The following HMCN1 variants were observed in gnomAD, a reference collection of about 807,000 sequenced individuals.
HMCN1 encodes hemicentin-1.
In HMCN1, 321 loss-of-function variants were observed where a neutral mutation model predicts 625.9. The ratio of observed to expected loss-of-function variants is 0.51; its 90% confidence interval spans 0.47 to 0.56. HMCN1 has a LOEUF of 0.56. HMCN1 is among the 20% of genes least tolerant of loss of function. HMCN1 has a pLI of 0.00. For synonymous variants in HMCN1, 2,425 were observed against 2,417.6 expected (o/e 1.00, Z -0.09); for missense variants, 6,588 against 6,887.3 (o/e 0.96, Z 1.54).
At chr1:186,034,346 A>G (rs1655678249) in intron 36 of HMCN1, among the ~76,000 whole-genome samples, 1 of 152,166 alleles carries the variant, frequency 6.6e-6, no homozygotes, top group South Asian at 2.1e-4. Flanking sequence ...TGTAAGATAA[A>G]TTTGTATTAT....
intron 1 of HMCN1, among the ~76,000 whole-genome samples, chr1:185,792,465 T>C (rs1658071667): frequency 1.3e-5 from 2 of 152,276 alleles, no homozygotes; most frequent in Non-Finnish European, 2.9e-5. Flanking sequence ...ATTAATCATG[T>C]TTGGTATTTA....
At chr1:185,812,939 T>G (rs906428386) in intron 1 of HMCN1, among the ~76,000 whole-genome samples, 1 of 152,132 alleles carries the variant, frequency 6.6e-6, no homozygotes, top group African/African-American at 2.4e-5. Flanking sequence ...AGATAACTAT[T>G]ATAAGTTTTC....
chr1:186,094,406 C>A, intron 67 of HMCN1, 33 bp downstream of exon 67: 1 of 1,479,404 alleles, frequency 6.8e-7, no homozygotes. Flanking sequence ...TATTACTTTG[C>A]TATGTCAAGT....
rs1212312749 is a variant in HMCN1, at chr1:186,187,979, C to T, written c.16511C>T (p.Pro5504Leu). Reference sequence around the variant, plus strand: ...TACCAGTGCATCGATACACCCTGTCCACCCAACTACCAACGGGATCCTGTT... The same window carrying T: ...TACCAGTGCATCGATACACCCTGTCTACCCAACTACCAACGGGATCCTGTT... ...GSYQCIDTPC[P>L]PNYQRDPVSG... Residue 5504 changes from proline (P) to leucine (L), a missense_variant, in exon 106 of 107, where the codon CCA becomes CTA. Physicochemically the swap from Pro to Leu is moderately conservative, Grantham distance 98. This residue lies in a region of HMCN1 where 1,954 missense variants were observed against 2,013.1 expected (regional missense o/e 0.97). Transcript: ENST00000271588. 6.8e-6 allele frequency: 11 copies of T among 1,613,740 alleles called. No homozygotes were observed. The highest frequency in any genetic ancestry group is 8.5e-6 in the Non-Finnish European group (10 of 1,179,822).
chr1:185,816,514 A>G (rs1480252922), intron 1 of HMCN1, among the ~76,000 whole-genome samples: 1 of 152,208 alleles, frequency 6.6e-6, no homozygotes, highest in Non-Finnish European at 1.5e-5. Context: ...TATATCCACC[A>G]TGCCCATGAC....
At chr1:185,799,995 CA>C (rs1433112397) in intron 1 of HMCN1, among the ~76,000 whole-genome samples, 1 of 152,156 alleles carries the variant, frequency 6.6e-6, no homozygotes, top group Non-Finnish European at 1.5e-5. Flanking sequence ...GTACAAGTAC[CA>C]GCCCTGATGG....
chr1:186,004,947 T>G (rs1653454043), intron 29 of HMCN1, among the ~76,000 whole-genome samples: 1 of 152,072 alleles, frequency 6.6e-6, no homozygotes, highest in Non-Finnish European at 1.5e-5. Context: ...GATCAAGTTA[T>G]GTGTACCAAA....
intron 1 of HMCN1, among the ~76,000 whole-genome samples, chr1:185,818,401 A>T (rs1319699630): frequency 6.6e-6 from 1 of 152,034 alleles, no homozygotes; most frequent in Non-Finnish European, 1.5e-5. Context: ...GGAGATTATT[A>T]GCTTCTTATC....
chr1:185,822,232 G>A (rs1571403118), intron 1 of HMCN1, among the ~76,000 whole-genome samples: 1 of 152,146 alleles, frequency 6.6e-6, no homozygotes, highest in Admixed American at 6.6e-5. Context: ...TGTCAATGTA[G>A]GTTCATCAGT....
At chr1:186,104,421 C>T (rs1432559238) in intron 69 of HMCN1, among the ~76,000 whole-genome samples, 1 of 152,128 alleles carries the variant, frequency 6.6e-6, no homozygotes, top group East Asian at 1.9e-4. Context: ...CTGTTGTTAC[C>T]ATAATCATCA....
intron 29 of HMCN1, 65 bp downstream of exon 29, chr1:186,003,909 G>A: frequency 1.4e-6 from 2 of 1,467,130 alleles, no homozygotes; most frequent in Non-Finnish European, 1.9e-6. Flanking sequence ...AAAAATGCAT[G>A]TGGATTTTCT....
chr1:186,097,810 G>C (rs1483968184), intron 68 of HMCN1, among the ~76,000 whole-genome samples: 1 of 152,042 alleles, frequency 6.6e-6, no homozygotes, highest in African/African-American at 2.4e-5. Context: ...ATACTACAAA[G>C]CTGTATTAAT....
At chr1:186,082,119 C>A (rs199741856) in intron 56 of HMCN1, among the ~76,000 whole-genome samples, 2 of 152,028 alleles carry the variant, frequency 1.3e-5, no homozygotes, top group Non-Finnish European at 2.9e-5. Context: ...AATCATATAA[C>A]CTCTACCAAA....
Position 186,172,062 on chromosome 1 carries a change from C to T in HMCN1, c.15745C>T (p.Arg5249Cys), listed in dbSNP as rs536895474. The T allele has an allele frequency of 9.3e-6, 15 of 1,613,706 alleles. No individual in the cohort carries two copies. Among genetic ancestry groups the T allele is most frequent in the Admixed American group, 5.0e-5 (3 of 59,986 alleles). ...CRPDQHCKNT[R>C]GGYKCIDLCP... ...ACCAGATCAGCACTGTAAGAACACC[C>T]GTGGTGGCTATAAGTGCATTGATCT... The change falls in exon 102 of 107, where the codon CGT becomes TGT. Residue 5249 changes from arginine to cysteine, a missense_variant. Arg to Cys is a radical substitution (Grantham distance 180). Around this residue, in one of 3 missense-constraint regions of HMCN1, gnomAD observed 1,954 missense variants for 2,013.1 expected, o/e 0.97. Transcript: ENST00000271588.
rs778307391 is a variant in HMCN1, at chr1:186,144,299, G to C, written c.14051G>C (p.Gly4684Ala). The change falls in exon 90 of 107, where the codon GGA becomes GCA. Residue 4684 changes from glycine (G) to alanine (A), a missense_variant. By Grantham distance (60) the Gly-to-Ala change is moderately conservative (BLOSUM62 0). Transcript: ENST00000271588. ...GCGTTTGGTGGGTCCTACTGTGATGGAGCAGAAACACAGATGCAAGTTTGC... is the reference window on the plus strand; with the variant it reads ...GCGTTTGGTGGGTCCTACTGTGATGCAGCAGAAACACAGATGCAAGTTTGC... ...PPAFGGSYCDGAETQMQVCNE... is the reference protein window; with the variant it reads ...PPAFGGSYCDAAETQMQVCNE... 10 of 1,613,968 alleles carry C rather than the reference G, an allele frequency of 6.2e-6. No individual in the cohort carries two copies. Among genetic ancestry groups the C allele is most frequent in the South Asian group, 5.5e-5 (5 of 91,076 alleles).
intron 4 of HMCN1, among the ~76,000 whole-genome samples, chr1:185,875,388 C>T (rs770368751): frequency 6.6e-6 from 1 of 151,972 alleles, no homozygotes; most frequent in Non-Finnish European, 1.5e-5. Flanking sequence ...ACAAATCAGA[C>T]ATAGATATGA....
At chr1:185,935,398 A>T (rs1194279622) in intron 11 of HMCN1, among the ~76,000 whole-genome samples, 1 of 152,074 alleles carries the variant, frequency 6.6e-6, no homozygotes, top group Non-Finnish European at 1.5e-5. Context: ...ATTTTAACAG[A>T]CTTCTCAAGT....
At position 185,962,676 on chromosome 1, in the gene HMCN1, A is replaced by G; in HGVS notation, c.1970+17A>G. ...TTCACACAGGTACTGGGTTTGTATC[A>G]TGTTTTTGTTTTTATTGAGTGAGAA... On this transcript the variant is annotated intron_variant, in intron 12 of 106. Transcript: ENST00000271588. 1 of 1,483,366 alleles carries G rather than the reference A, an allele frequency of 6.7e-7. No homozygotes were observed. The highest frequency in any genetic ancestry group is 1.1e-5 in the South Asian group (1 of 88,430). The allele number at this position is 1,483,366 out of a possible 1,614,324, so 91.9% of individuals were successfully genotyped here.
chr1:186,114,877 G>A lies in HMCN1; in HGVS notation c.11335G>A (p.Gly3779Arg), dbSNP rs1359700376. ...HIQSAHVTDTGRYLCMATNAA... is the reference protein window; with the variant it reads ...HIQSAHVTDTRRYLCMATNAA... ...TCAATCAGCACATGTCACTGACACT[G>A]GACGGTATTTGTGTATGGCCACCAA... The change falls in exon 74 of 107, where the codon GGA becomes AGA. Residue 3779 changes from glycine (G) to arginine (R), a missense_variant. By Grantham distance (125) the Gly-to-Arg change is moderately radical (BLOSUM62 -2). Coordinates refer to ENST00000271588, the MANE Select transcript of HMCN1 (RefSeq NM_031935.3). 1 of 1,614,104 alleles carries A rather than the reference G, an allele frequency of 6.2e-7. No homozygotes were observed. Among genetic ancestry groups the A allele is most frequent in the Non-Finnish European group, 8.5e-7 (1 of 1,179,960 alleles).
Sources: gnomAD v4.1 joint callset for allele counts (sites outside exome capture counted in the v4.1 genomes callset) on GRCh38, gnomAD v4.1.1 for gene constraint, gnomAD v4.1.1 regional missense constraint, MANE v1.5 for transcripts, NCBI Gene and HGNC (gene_info 2026-07-23, HGNC 2026-07-21) for gene names.